The following BTC variants were observed in gnomAD, a reference collection of about 807,000 sequenced individuals.
BTC encodes betacellulin.
In BTC, 13 loss-of-function variants were observed where a neutral mutation model predicts 18.1. That is an observed-to-expected ratio of 0.72 (90% CI 0.47 to 1.14). The LOEUF (loss-of-function observed/expected upper bound fraction) is 1.14, where lower values mean the gene tolerates loss of function less well. BTC is among the 50% of genes most tolerant of loss of function. The pLI is 0.00. For missense variants in BTC, 247 were observed against 224.2 expected (o/e 1.10, Z -0.65); for synonymous variants, 83 against 79.4 (o/e 1.05, Z -0.24).
At chr4:74,760,030 TC>T (rs1215860334) in intron 2 of BTC, among the ~76,000 whole-genome samples, 2 of 152,252 alleles carry the variant, frequency 1.3e-5, no homozygotes, top group African/African-American at 4.8e-5. Flanking sequence ...GTTAGGTGTA[TC>T]TTTCATAAAA....
Position 74,745,427 on chromosome 4 carries a change from G to A in BTC, c.*1250C>T, listed in dbSNP as rs1459137492. The A allele has an allele frequency of 6.6e-6, 1 of 152,142 alleles. No homozygotes were observed. The allele number at this position is 152,142 out of a possible 1,614,324, so 9.4% of individuals were successfully genotyped here. ...GCTTGGCCGACAGGCACAAGTTGGG[G>A]GGCATCTTCCATCGATTTTTGTAAG... On this transcript the variant is annotated 3_prime_UTR_variant, in exon 6 of 6. Coordinates refer to ENST00000395743, the MANE Select transcript of BTC (RefSeq NM_001729.4).
chr4:74,790,481 T>C (rs1349635), intron 1 of BTC, among the ~76,000 whole-genome samples: 150,605 of 152,314 alleles, frequency 0.99, 74,480 homozygotes, highest in East Asian at 1. Context: ...GGTTCAGAGT[T>C]TACAGGCTTG....
Position 74,774,482 on chromosome 4 carries a change from T to C in BTC, c.65-4326A>G, listed in dbSNP as rs187022182. 1.2e-4 allele frequency among the ~76,000 whole-genome samples: 19 copies of C among 152,294 alleles called. No individual in the cohort carries two copies. The East Asian group carries it at 3.3e-3, about 26-fold the overall frequency. Reference sequence around the variant, plus strand: ...AAAGTATGGTGCAAAGATCTGCTATTTACTGTTATAAGCCTTTTAGTACTA... The same window carrying C: ...AAAGTATGGTGCAAAGATCTGCTATCTACTGTTATAAGCCTTTTAGTACTA... On this transcript the variant is annotated intron_variant, in intron 1 of 5. Transcript: ENST00000395743.
chr4:74,757,835 T>G (rs1553956917), intron 2 of BTC, among the ~76,000 whole-genome samples: 1 of 152,218 alleles, frequency 6.6e-6, no homozygotes, highest in African/African-American at 2.4e-5. Context: ...CTGATTAGGC[T>G]GTCTGAACCT....
rs1373550922 is a variant in BTC, at chr4:74,749,688, G to GTT, written c.428+883_428+884dup. On this transcript the variant is annotated intron_variant, in intron 4 of 5. Transcript: ENST00000395743. ...CCACTTTAATAAGATAGTTTTTTTT[G>GTT]TTGTTGTTGTTGTTGTTGTTGTTTT... Among the ~76,000 whole-genome samples, 94 of 79,376 alleles carry GTT rather than the reference G, an allele frequency of 1.2e-3. 3 individuals are homozygous for GTT. The highest frequency in any genetic ancestry group is 4.3e-3 in the African/African-American group (79 of 18,302). The allele number at this position is 79,376 out of a possible 152,430, so 52.1% of individuals were successfully genotyped here.
chr4:74,756,056 G>T, intron 2 of BTC, 80 bp from the exon 3 acceptor site: 2 of 1,230,748 alleles, frequency 1.6e-6, no homozygotes, highest in Non-Finnish European at 2.4e-6. Context: ...TTATCTTGCT[G>T]CCAGTTTCTC....
Position 74,789,852 on chromosome 4 carries a change from A to T in BTC, c.64+4410T>A, listed in dbSNP as rs193117933. ...AAAATATTAAAATTACCTTCTAAAT[A>T]TTTTATTTTACTCTGCTAGTGCAGT... is the stretch of plus-strand genomic sequence containing the variant. On this transcript the variant is annotated intron_variant, in intron 1 of 5. Transcript: ENST00000395743. Among the ~76,000 whole-genome samples, 697 of 152,274 alleles carry T rather than the reference A, an allele frequency of 4.6e-3. 5 individuals are homozygous for T. The highest frequency in any genetic ancestry group is 6.6e-3 in the Non-Finnish European group (449 of 68,014).
At chr4:74,754,744 G>C (rs62316313) in intron 3 of BTC, among the ~76,000 whole-genome samples, 23,318 of 152,080 alleles carry the variant, frequency 0.15, 2,289 homozygotes, top group Middle Eastern at 0.24. Context: ...GTTGATCTTA[G>C]GCAGGTAGAT....
chr4:74,770,910 C>A (rs1424204041), intron 1 of BTC, among the ~76,000 whole-genome samples: 1 of 135,736 alleles, frequency 7.4e-6, no homozygotes, highest in Non-Finnish European at 1.5e-5. Context: ...GGGTCTATAT[C>A]GTGTATGTGT....
intron 1 of BTC, among the ~76,000 whole-genome samples, chr4:74,779,908 T>G (rs1415251447): frequency 6.6e-6 from 1 of 152,136 alleles, no homozygotes; most frequent in Non-Finnish European, 1.5e-5. Context: ...CAGAATATCT[T>G]AGGTATCAGG....
chr4:74,750,810 C>A, intron 3 of BTC, 91 bp from the exon 4 acceptor site: 1 of 1,467,922 alleles, frequency 6.8e-7, no homozygotes. Flanking sequence ...GTTCTCATTA[C>A]TTGAAATTAA....
Position 74,794,145 on chromosome 4 carries a change from C to A in BTC, c.64+117G>T. 3 of 1,340,280 alleles carry A rather than the reference C, an allele frequency of 2.2e-6. No homozygotes were observed. In the South Asian group the frequency reaches 3.8e-5, roughly 17 times the overall value. The allele number at this position is 1,340,280 out of a possible 1,614,324, so 83.0% of individuals were successfully genotyped here. A position where few individuals can be genotyped will look rare whatever the true frequency, so the allele number is the denominator to read the frequency against. ...GCCTTCAAAGTTCTCCAACCCGCGCCTGCCAGCCCCAGCGCGCCCTCTTGT... is the reference window on the plus strand; with the variant it reads ...GCCTTCAAAGTTCTCCAACCCGCGCATGCCAGCCCCAGCGCGCCCTCTTGT... On this transcript the variant is annotated intron_variant, in intron 1 of 5. Coordinates refer to ENST00000395743, the MANE Select transcript of BTC (RefSeq NM_001729.4).
intron 2 of BTC, among the ~76,000 whole-genome samples, chr4:74,759,310 T>A (rs1328387454): frequency 6.6e-6 from 1 of 152,198 alleles, no homozygotes; most frequent in South Asian, 2.1e-4. Context: ...AATGTAGCAA[T>A]GTAGCAACCA....
chr4:74,780,892 G>C (rs1725299108), intron 1 of BTC, among the ~76,000 whole-genome samples: 1 of 147,548 alleles, frequency 6.8e-6, no homozygotes, highest in Non-Finnish European at 1.5e-5. Context: ...TCTACTGAGA[G>C]TTTCTTTTTT....
intron 1 of BTC, among the ~76,000 whole-genome samples, chr4:74,785,953 C>T (rs936283472): frequency 3.3e-5 from 5 of 152,120 alleles, no homozygotes; most frequent in African/African-American, 1.2e-4. Flanking sequence ...GTGTCTGGCA[C>T]ATATTACACA....
chr4:74,776,135 G>A (rs964596375), intron 1 of BTC, among the ~76,000 whole-genome samples: 4 of 150,572 alleles, frequency 2.7e-5, no homozygotes, highest in African/African-American at 7.4e-5. Flanking sequence ...TATATTTATG[G>A]TTTCTTTTTT....
chr4:74,771,888 A>T (rs908829512), intron 1 of BTC, among the ~76,000 whole-genome samples: 3 of 152,064 alleles, frequency 2.0e-5, no homozygotes, highest in African/African-American at 4.8e-5. Context: ...GCATGAGTTT[A>T]AAAAAAATGT....
chr4:74,750,749 A>G, intron 3 of BTC, 30 bp from the exon 4 acceptor site: 1 of 1,600,254 alleles, frequency 6.2e-7, no homozygotes, highest in South Asian at 1.1e-5. Flanking sequence ...CAAGGAAGTA[A>G]AACTTGCAAG....
chr4:74,787,186 G>T (rs1009668706), intron 1 of BTC, among the ~76,000 whole-genome samples: 2 of 152,126 alleles, frequency 1.3e-5, no homozygotes, highest in Non-Finnish European at 2.9e-5. Flanking sequence ...AGTTCATCCT[G>T]TTATGCAACT....
Sources: gnomAD v4.1 joint callset for allele counts (sites outside exome capture counted in the v4.1 genomes callset) on GRCh38, gnomAD v4.1.1 for gene constraint, MANE v1.5 for transcripts, NCBI Gene and HGNC (gene_info 2026-07-23, HGNC 2026-07-21) for gene names.